DOCK4: variants seen among roughly 807,000 people sequenced by gnomAD.
DOCK4 encodes dedicator of cytokinesis protein 4.
In DOCK4, 97 loss-of-function variants were observed where a neutral mutation model predicts 268.1. The observed-to-expected ratio is 0.36, with a 90% CI of 0.31 to 0.43. The LOEUF is 0.43. DOCK4 is among the 20% of genes least tolerant of loss of function. DOCK4 has a pLI of 1.00. For missense variants in DOCK4, 2,145 were observed against 2,455.7 expected (o/e 0.87, Z 2.67); for synonymous variants, 954 against 887.2 (o/e 1.08, Z -1.34).
At position 112,084,011 on chromosome 7, in the gene DOCK4, C is replaced by T. The variant is rs1337146648; in HGVS notation, c.38-79880G>A. 2.6e-5 allele frequency among the ~76,000 whole-genome samples: 4 copies of T among 152,164 alleles called. No homozygotes were observed. The East Asian group carries it at 5.8e-4, about 22-fold the overall frequency. On this transcript the variant is annotated intron_variant, in intron 1 of 52. Coordinates refer to ENST00000428084, the MANE Select transcript of DOCK4 (RefSeq NM_001363540.2). ...GGCTAACACTCTTGTACTCCTACCA[C>T]GACCATAGGAATAGCTTCGCTGGTT...
At chr7:111,864,452 C>T (rs1331742108) in intron 22 of DOCK4, among the ~76,000 whole-genome samples, 1 of 152,174 alleles carries the variant, frequency 6.6e-6, no homozygotes, top group Non-Finnish European at 1.5e-5. Context: ...GAGTTTCTAA[C>T]ATGCTAAAAT....
chr7:111,831,652 T>C (rs1802819004), intron 26 of DOCK4, among the ~76,000 whole-genome samples: 1 of 151,986 alleles, frequency 6.6e-6, no homozygotes, highest in South Asian at 2.1e-4. Flanking sequence ...ACCCAGCTAG[T>C]TTTTACAAAC....
chr7:112,006,926 C>T (rs939431166), intron 1 of DOCK4, among the ~76,000 whole-genome samples: 3 of 152,230 alleles, frequency 2.0e-5, no homozygotes, highest in African/African-American at 4.8e-5. Context: ...GCCCTATGCT[C>T]AGCCACACAC....
intron 3 of DOCK4, among the ~76,000 whole-genome samples, chr7:111,999,352 T>C (rs6945270): frequency 0.16 from 23,577 of 152,052 alleles, 2,074 homozygotes; most frequent in Middle Eastern, 0.32. Context: ...AGTAAATATA[T>C]ATATGTAGAT....
intron 8 of DOCK4, among the ~76,000 whole-genome samples, chr7:111,954,602 AAG>A (rs1196930541): frequency 6.6e-6 from 1 of 152,120 alleles, no homozygotes; most frequent in Non-Finnish European, 1.5e-5. Context: ...CAGAAGCAGG[AAG>A]AGAGGTGGCC....
intron 1 of DOCK4, among the ~76,000 whole-genome samples, chr7:112,071,137 CA>C (rs969929024): frequency 3.3e-5 from 5 of 152,184 alleles, no homozygotes; most frequent in African/African-American, 7.2e-5. Flanking sequence ...ATTTGTTCTA[CA>C]AAATCATTTT....
At position 112,044,394 on chromosome 7, in the gene DOCK4, G is replaced by T. The variant is rs566607483; in HGVS notation, c.38-40263C>A. 1.8e-4 allele frequency among the ~76,000 whole-genome samples: 27 copies of T among 152,218 alleles called. No individual in the cohort carries two copies. The South Asian group carries it at 4.1e-3, about 23-fold the overall frequency. ...CCTCATTCTACTTTTCTGAGCTTTA[G>T]GTTCTCCATTTCCATAAAAATGATC... On this transcript the variant is annotated intron_variant, in intron 1 of 52. Transcript: ENST00000428084.
intron 30 of DOCK4, among the ~76,000 whole-genome samples, chr7:111,797,277 G>A (rs1799964968): frequency 1.3e-5 from 2 of 152,102 alleles, no homozygotes; most frequent in South Asian, 4.1e-4. Context: ...AATTAAAAAA[G>A]CAACTTTCAG....
chr7:112,053,395 T>C (rs1805539110), intron 1 of DOCK4, among the ~76,000 whole-genome samples: 1 of 152,154 alleles, frequency 6.6e-6, no homozygotes, highest in Non-Finnish European at 1.5e-5. Context: ...TGCATACAAA[T>C]ATCTTTAAAA....
At chr7:111,859,346 C>T (rs1485394144) in intron 23 of DOCK4, among the ~76,000 whole-genome samples, 2 of 152,104 alleles carry the variant, frequency 1.3e-5, no homozygotes, top group African/African-American at 2.4e-5. Context: ...GAAATGACTC[C>T]ATCATAACTG....
intron 22 of DOCK4, among the ~76,000 whole-genome samples, chr7:111,867,132 C>T (rs1243652295): frequency 6.6e-6 from 1 of 152,228 alleles, no homozygotes; most frequent in Non-Finnish European, 1.5e-5. Flanking sequence ...AGAAAAAATA[C>T]AGCACATTAT....
At chr7:112,154,326 T>C (rs1316181874) in intron 1 of DOCK4, among the ~76,000 whole-genome samples, 1 of 152,110 alleles carries the variant, frequency 6.6e-6, no homozygotes, top group Non-Finnish European at 1.5e-5. Context: ...TTAAACAACA[T>C]ACATGAAGAA....
chr7:111,738,162 G>A (rs3823924), intron 49 of DOCK4, among the ~76,000 whole-genome samples: 38,910 of 152,152 alleles, frequency 0.26, 5,441 homozygotes, highest in South Asian at 0.46. Flanking sequence ...CACCCTTCAA[G>A]GCTCCTGAAG....
In DOCK4 at chr7:112,040,356, T is replaced by C. The variant is rs575386698; in HGVS notation, c.38-36225A>G. ...AATAATAATGGCTTAATTAAATAAATCATTCTGCCCCAAACAGAAGAAATA... is the reference window on the plus strand; with the variant it reads ...AATAATAATGGCTTAATTAAATAAACCATTCTGCCCCAAACAGAAGAAATA... On this transcript the variant is annotated intron_variant, in intron 1 of 52. Transcript: ENST00000428084. Among the ~76,000 whole-genome samples, 219 of 152,316 alleles carry C rather than the reference T, an allele frequency of 1.4e-3. 1 individual carries two copies. The highest frequency in any genetic ancestry group is 5.2e-3 in the African/African-American group (215 of 41,572).
At chr7:111,857,578 T>C (rs1428204464) in intron 23 of DOCK4, among the ~76,000 whole-genome samples, 1 of 152,226 alleles carries the variant, frequency 6.6e-6, no homozygotes, top group Admixed American at 6.5e-5. Context: ...CATATATAGC[T>C]ATTTTTTAGC....
chr7:111,786,378 CA>C (rs147636134), intron 32 of DOCK4, among the ~76,000 whole-genome samples: 1,701 of 152,126 alleles, frequency 0.011, 35 homozygotes, highest in African/African-American at 0.039. Context: ...CAGGTGGAGC[CA>C]GGGGAAGCAG....
chr7:112,195,077 G>A (rs988612418), intron 1 of DOCK4, among the ~76,000 whole-genome samples: 4 of 152,072 alleles, frequency 2.6e-5, no homozygotes, highest in Non-Finnish European at 5.9e-5. Context: ...TCAGGAGTTC[G>A]AGACCAGCCT....
chr7:111,792,529 C>T (rs979826853), intron 30 of DOCK4, among the ~76,000 whole-genome samples: 4 of 152,066 alleles, frequency 2.6e-5, no homozygotes, highest in South Asian at 2.1e-4. Context: ...GTTACAGGCA[C>T]GCACCACCAC....
At chr7:111,907,209 T>C (rs1382489855) in intron 13 of DOCK4, among the ~76,000 whole-genome samples, 1 of 152,218 alleles carries the variant, frequency 6.6e-6, no homozygotes, top group Non-Finnish European at 1.5e-5. Flanking sequence ...ATTTTCTATC[T>C]ATCATTCTCA....
Sources: gnomAD v4.1 joint callset for allele counts (sites outside exome capture counted in the v4.1 genomes callset) on GRCh38, gnomAD v4.1.1 for gene constraint, MANE v1.5 for transcripts, NCBI Gene and HGNC (gene_info 2026-07-23, HGNC 2026-07-21) for gene names.